The following PCDHA2 variants were observed in gnomAD, a reference collection of about 807,000 sequenced individuals.
PCDHA2 encodes the protein protocadherin alpha 2, also known as protocadherin alpha-2.
PCDHA2 carries 58 observed loss-of-function variants against 66.0 expected under a neutral mutation model. The observed-to-expected ratio is 0.88, with a 90% CI of 0.71 to 1.09. The LOEUF is 1.09. Ranked by LOEUF, PCDHA2 falls within the 50% of genes least tolerant of loss-of-function variation. The probability of loss-of-function intolerance (pLI) is 0.00; values close to 1 mark genes in which losing one functional copy is unlikely to be tolerated. For synonymous variants in PCDHA2, 634 were observed against 554.0 expected (o/e 1.14, Z -2.03); for missense variants, 1,267 against 1,242.3 (o/e 1.02, Z -0.30).
chr5:140,939,900 A>G (rs916984176), intron 1 of PCDHA2, among the ~76,000 whole-genome samples: 5 of 152,150 alleles, frequency 3.3e-5, no homozygotes, highest in Admixed American at 3.3e-4. Flanking sequence ...AATATTCTGC[A>G]TTCTTTTTTA....
At chr5:140,822,996 G>A in intron 1 of PCDHA2, 1 of 1,614,238 alleles carries the variant, frequency 6.2e-7, no homozygotes, top group Non-Finnish European at 8.5e-7. Context: ...ACTCGTTGGT[G>A]CTGGACAGCG....
chr5:140,846,375 T>C (rs1343413352), intron 1 of PCDHA2, among the ~76,000 whole-genome samples: 4 of 125,488 alleles, frequency 3.2e-5, no homozygotes, highest in African/African-American at 1.0e-4. Context: ...CTTTCTTTCT[T>C]TTTTTTTTTT....
intron 1 of PCDHA2, among the ~76,000 whole-genome samples, chr5:140,944,008 C>T (rs1253527034): frequency 1.3e-5 from 2 of 152,054 alleles, no homozygotes; most frequent in Non-Finnish European, 2.9e-5. Context: ...GAGTACCCCC[C>T]AAAAGCAATT....
chr5:140,845,946 A>G (rs1430863915), intron 1 of PCDHA2, among the ~76,000 whole-genome samples: 2 of 149,792 alleles, frequency 1.3e-5, no homozygotes, highest in East Asian at 1.9e-4. Flanking sequence ...CTGTAAAGTC[A>G]TTTTTTAGAT....
chr5:140,891,427 C>T (rs1465861457), intron 1 of PCDHA2, among the ~76,000 whole-genome samples: 2 of 149,500 alleles, frequency 1.3e-5, no homozygotes, highest in African/African-American at 4.9e-5. Flanking sequence ...CCCCCAAGTC[C>T]CCAACGTCCA....
rs147962839 is a variant in PCDHA2 at position 140,828,760 on chromosome 5, A to T, written c.2388+31408A>T. ...CAGATGGGGGCAAACCTGAGCTCAC[A>T]GGCACTGTTCAGCTGCTGGTCACAG... On this transcript the variant is annotated intron_variant, in intron 1 of 3. Coordinates refer to ENST00000526136, the MANE Select transcript of PCDHA2 (RefSeq NM_018905.3). The T allele has an allele frequency of 5.1e-5, 83 of 1,614,194 alleles. No homozygotes were observed. The African/African-American group carries it at 7.9e-4, about 15-fold the overall frequency.
chr5:140,876,596 C>T (rs1361945795), intron 1 of PCDHA2: 1 of 1,614,040 alleles, frequency 6.2e-7, no homozygotes, highest in East Asian at 2.2e-5. Flanking sequence ...ATTAGCGTGT[C>T]GGATCGTGAC....
At position 140,876,102 on chromosome 5, in the gene PCDHA2, A is replaced by G. The variant is rs1363448025; in HGVS notation, c.2388+78750A>G. 4 of 1,613,844 alleles carry G rather than the reference A, an allele frequency of 2.5e-6. No individual in the cohort carries two copies. The African/African-American group carries it at 4.0e-5, about 16-fold the overall frequency. ...GAGAGCAAACGCCAAAACTCAATTT[A>G]TTGCTGATGGTAATCGATGGCGGTA... On this transcript the variant is annotated intron_variant, in intron 1 of 3. Coordinates refer to ENST00000526136, the MANE Select transcript of PCDHA2 (RefSeq NM_018905.3).
At chr5:140,913,945 A>T (rs2076523304) in intron 1 of PCDHA2, among the ~76,000 whole-genome samples, 1 of 152,086 alleles carries the variant, frequency 6.6e-6, no homozygotes, top group Non-Finnish European at 1.5e-5. Flanking sequence ...AAGAATCTTG[A>T]TATGATATCA....
chr5:140,931,409 A>G (rs1172534741), intron 1 of PCDHA2, among the ~76,000 whole-genome samples: 1 of 152,082 alleles, frequency 6.6e-6, no homozygotes, highest in African/African-American at 2.4e-5. Flanking sequence ...AGGAAGGCTG[A>G]TGAATCTAGA....
At chr5:140,869,725 C>T (rs1326402140) in intron 1 of PCDHA2, 1 of 1,613,284 alleles carries the variant, frequency 6.2e-7, no homozygotes, top group Non-Finnish European at 8.5e-7. Flanking sequence ...AACTCCGGAA[C>T]TTAATTTGCT....
intron 1 of PCDHA2, chr5:140,870,265 C>G (rs782376161): frequency 6.2e-7 from 1 of 1,614,214 alleles, no homozygotes; most frequent in Non-Finnish European, 8.5e-7. Flanking sequence ...GACCTGCTCG[C>G]TGACGCCCCA....
chr5:140,795,111 G>T lies in PCDHA2; in HGVS notation c.147G>T (p.Ala49=), dbSNP rs144324178. ...ACGGCACCTTCGTGGGCCGCATCGC[G>T]CAGGACCTGGGGCTGGAGCTGGAGG... ...AKHGTFVGRI[A]QDLGLELEEL... The change falls in exon 1 of 4, where the codon GCG becomes GCT. Residue 49 remains alanine, a synonymous_variant. Coordinates refer to ENST00000526136, the MANE Select transcript of PCDHA2 (RefSeq NM_018905.3). 488 of 1,613,944 alleles carry T rather than the reference G, an allele frequency of 3.0e-4. 1 individual carries two copies. Among genetic ancestry groups the T allele is most frequent in the Non-Finnish European group, 4.0e-4 (468 of 1,180,054 alleles).
intron 3 of PCDHA2, among the ~76,000 whole-genome samples, chr5:140,986,372 G>C (rs570215048): frequency 2.1e-4 from 32 of 152,248 alleles, no homozygotes; most frequent in Admixed American, 5.2e-4. Context: ...ATGCGTTTTG[G>C]GGGGAGGGAC....
At chr5:140,928,469 A>G in intron 1 of PCDHA2, 1 of 1,614,144 alleles carries the variant, frequency 6.2e-7, no homozygotes, top group Non-Finnish European at 8.5e-7. Context: ...TTCCAAGTAG[A>G]AGGCCGGGAT....
intron 1 of PCDHA2, among the ~76,000 whole-genome samples, chr5:140,916,378 A>C (rs772984424): frequency 6.6e-6 from 1 of 152,158 alleles, no homozygotes; most frequent in Non-Finnish European, 1.5e-5. Flanking sequence ...TGTAGCCACC[A>C]CAACTAGGAA....
intron 1 of PCDHA2, among the ~76,000 whole-genome samples, chr5:140,971,333 G>A (rs1015985935): frequency 6.6e-6 from 1 of 152,194 alleles, no homozygotes. Context: ...AATTATTTCA[G>A]AAAGTGCTTG....
At position 140,841,280 on chromosome 5, in the gene PCDHA2, T is replaced by C. The variant is rs2150312554; in HGVS notation, c.2388+43928T>C. Reference sequence around the variant, plus strand: ...CTCTGAAAGTACAGTCGTTCATCTTTATATTAAGATAATATTTTCTGATAG... The same window carrying C: ...CTCTGAAAGTACAGTCGTTCATCTTCATATTAAGATAATATTTTCTGATAG... On this transcript the variant is annotated intron_variant, in intron 1 of 3. Transcript: ENST00000526136. The C allele has an allele frequency of 2.7e-3, 4,162 of 1,542,382 alleles. 127 individuals are homozygous for C. The African/African-American group carries it at 0.05, about 19-fold the overall frequency.
chr5:140,856,229 C>CG (rs2043871917), intron 1 of PCDHA2: 1 of 1,597,818 alleles, frequency 6.3e-7, no homozygotes, highest in Non-Finnish European at 8.6e-7. Context: ...GCTGGTGCAG[C>CG]GCCTGTTCCG....
Sources: gnomAD v4.1 joint callset for allele counts (sites outside exome capture counted in the v4.1 genomes callset) on GRCh38, gnomAD v4.1.1 for gene constraint, MANE v1.5 for transcripts, NCBI Gene and HGNC (gene_info 2026-07-23, HGNC 2026-07-21) for gene names.